The following DENND1B variants were observed in gnomAD, a reference collection of about 807,000 sequenced individuals.
DENND1B encodes DENN domain containing 1B.
DENND1B carries 59 observed loss-of-function variants against 90.1 expected under a neutral mutation model. The observed-to-expected ratio is 0.65, with a 90% CI of 0.53 to 0.81. The LOEUF (loss-of-function observed/expected upper bound fraction) is 0.81, where lower values mean the gene tolerates loss of function less well. Ranked by LOEUF, DENND1B falls within the 40% of genes least tolerant of loss-of-function variation. The pLI, the probability that DENND1B is intolerant of heterozygous loss-of-function variation, is 0.00. For missense variants in DENND1B, 862 were observed against 912.6 expected (o/e 0.94, Z 0.71); for synonymous variants, 337 against 324.6 (o/e 1.04, Z -0.41).
intron 5 of DENND1B, among the ~76,000 whole-genome samples, chr1:197,664,413 C>G (rs1438175259): frequency 6.6e-6 from 1 of 151,984 alleles, no homozygotes; most frequent in African/African-American, 2.4e-5. Context: ...TATTTTAAAA[C>G]AAAGTACAGG....
At chr1:197,647,566 C>T (rs1417827608) in intron 7 of DENND1B, among the ~76,000 whole-genome samples, 1 of 152,116 alleles carries the variant, frequency 6.6e-6, no homozygotes, top group Non-Finnish European at 1.5e-5. Context: ...ACACTAAATA[C>T]AGTACTTTAG....
At position 197,672,665 on chromosome 1, in the gene DENND1B, T is replaced by C. The variant is rs1572269987; in HGVS notation, c.177-509A>G. 2.0e-5 allele frequency among the ~76,000 whole-genome samples: 3 copies of C among 152,126 alleles called. No homozygotes were observed. The East Asian group carries it at 5.8e-4, about 29-fold the overall frequency. ...AATAAAGTACCCTACAAAAATACCC[T>C]TGTTATATTTTTTCTAGAATTCTCT... On this transcript the variant is annotated intron_variant, in intron 4 of 22. Transcript: ENST00000620048.
chr1:197,563,552 T>A (rs1252786303), intron 15 of DENND1B, among the ~76,000 whole-genome samples: 1 of 151,904 alleles, frequency 6.6e-6, no homozygotes, highest in Non-Finnish European at 1.5e-5. Context: ...AAAACATGAC[T>A]GCTTACTGAC....
intron 10 of DENND1B, among the ~76,000 whole-genome samples, chr1:197,642,118 C>A (rs1430798592): frequency 6.6e-6 from 1 of 151,934 alleles, no homozygotes; most frequent in Non-Finnish European, 1.5e-5. Context: ...CAAGAAAAAT[C>A]TTTCTCTCCC....
intron 3 of DENND1B, among the ~76,000 whole-genome samples, chr1:197,687,892 A>G (rs905488737): frequency 2.3e-4 from 35 of 152,256 alleles, no homozygotes; most frequent in African/African-American, 8.2e-4. Context: ...TTCACAGATG[A>G]CATGACCTTA....
chr1:197,754,823 T>C (rs1654070966), intron 2 of DENND1B, among the ~76,000 whole-genome samples: 1 of 152,164 alleles, frequency 6.6e-6, no homozygotes, highest in Non-Finnish European at 1.5e-5. Context: ...AATATACTCA[T>C]ATAGAGATGT....
chr1:197,639,013 C>G (rs986327833), intron 10 of DENND1B, among the ~76,000 whole-genome samples: 1 of 151,840 alleles, frequency 6.6e-6, no homozygotes, highest in Non-Finnish European at 1.5e-5. Context: ...TTCTTGATAT[C>G]TGTGCTTACA....
chr1:197,742,196 G>T (rs932980552), intron 2 of DENND1B, among the ~76,000 whole-genome samples: 1 of 152,020 alleles, frequency 6.6e-6, no homozygotes, highest in African/African-American at 2.4e-5. Context: ...GTTATCAACT[G>T]TAGGCATATG....
chr1:197,510,710 A>T lies in DENND1B; in HGVS notation c.2078T>A (p.Val693Asp). Reference sequence around the variant, plus strand: ...TGTTTTTCCTTTATCAGTCTGGGAAACTTCAGGGGAAGTGAGTTGGAAATC... The same window carrying T: ...TGTTTTTCCTTTATCAGTCTGGGAATCTTCAGGGGAAGTGAGTTGGAAATC... ...GLDFQLTSPE[V>D]SQTDKGKTEK... Residue 693 changes from valine (V) to aspartate (D), a missense_variant, in exon 23 of 23, where the codon GTT (valine) becomes GAT (aspartate). Transcript: ENST00000620048. 1 of 1,612,706 alleles carries T rather than the reference A, an allele frequency of 6.2e-7. No individual in the cohort carries two copies. Among genetic ancestry groups the T allele is most frequent in the Non-Finnish European group, 8.5e-7 (1 of 1,179,178 alleles).
At chr1:197,597,279 T>C (rs899074614) in intron 13 of DENND1B, among the ~76,000 whole-genome samples, 2 of 151,918 alleles carry the variant, frequency 1.3e-5, no homozygotes, top group African/African-American at 2.4e-5. Flanking sequence ...TTCAAATGCC[T>C]TCAATAGCAA....
At chr1:197,709,771 G>T in intron 3 of DENND1B, among the ~76,000 whole-genome samples, 1 of 131,564 alleles carries the variant, frequency 7.6e-6, no homozygotes, top group Admixed American at 7.7e-5. Context: ...GCAATTAAAA[G>T]ACACAGACTG....
At chr1:197,604,467 C>T (rs1676492974) in intron 13 of DENND1B, among the ~76,000 whole-genome samples, 1 of 151,166 alleles carries the variant, frequency 6.6e-6, no homozygotes, top group African/African-American at 2.4e-5. Flanking sequence ...GCATGCAACA[C>T]AGCAGAGGGT....
chr1:197,653,879 A>T (rs1445882034), intron 6 of DENND1B, among the ~76,000 whole-genome samples: 1 of 152,176 alleles, frequency 6.6e-6, no homozygotes. Context: ...CACAAAAACA[A>T]AGAACAAGAA....
At chr1:197,741,634 G>A (rs1210405122) in intron 2 of DENND1B, among the ~76,000 whole-genome samples, 1 of 152,018 alleles carries the variant, frequency 6.6e-6, no homozygotes, top group Non-Finnish European at 1.5e-5. Context: ...ACTTCTAAAA[G>A]TAGTTTCAAA....
intron 18 of DENND1B, among the ~76,000 whole-genome samples, chr1:197,545,148 T>C (rs1670710104): frequency 6.6e-6 from 1 of 152,002 alleles, no homozygotes; most frequent in Non-Finnish European, 1.5e-5. Context: ...CTCACACCTA[T>C]AATCCCAGCA....
intron 2 of DENND1B, among the ~76,000 whole-genome samples, chr1:197,756,078 T>C (rs74134868): frequency 0.026 from 3,931 of 152,254 alleles, 159 homozygotes; most frequent in African/African-American, 0.087. Context: ...AAAAATCTTT[T>C]TCACCAATGG....
At chr1:197,677,669 G>A (rs753639371) in intron 3 of DENND1B, among the ~76,000 whole-genome samples, 1 of 152,092 alleles carries the variant, frequency 6.6e-6, no homozygotes, top group African/African-American at 2.4e-5. Context: ...TTGCCTACAC[G>A]AAACCCACAA....
At chr1:197,526,521 G>A (rs928583545) in intron 20 of DENND1B, among the ~76,000 whole-genome samples, 7 of 151,996 alleles carry the variant, frequency 4.6e-5, no homozygotes, top group Non-Finnish European at 1.0e-4. Flanking sequence ...GTCTAGAATG[G>A]TAGTATTCAC....
chr1:197,580,087 C>CTTTTTTTT (rs139056668), intron 15 of DENND1B, among the ~76,000 whole-genome samples: 327 of 76,752 alleles, frequency 4.3e-3, no homozygotes, highest in Middle Eastern at 0.019. Flanking sequence ...TTCTTTCTTT[C>CTTTTTTTT]TTTTTTTTTT....
Sources: gnomAD v4.1 joint callset for allele counts (sites outside exome capture counted in the v4.1 genomes callset) on GRCh38, gnomAD v4.1.1 for gene constraint, MANE v1.5 for transcripts, NCBI Gene and HGNC (gene_info 2026-07-23, HGNC 2026-07-21) for gene names.